Variants in PTER observed in about 807,000 individuals in gnomAD.
PTER encodes the protein N-acetyltaurine hydrolase.
PTER carries 38 observed loss-of-function variants against 29.6 expected under a neutral mutation model. That is an observed-to-expected ratio of 1.28 (90% confidence interval 0.99 to 1.68). The LOEUF is 1.68. PTER is among the 40% of genes most tolerant of loss of function. The pLI, the probability that PTER is intolerant of heterozygous loss-of-function variation, is 0.00. For synonymous variants in PTER, 172 were observed against 154.5 expected, an observed-to-expected ratio of 1.11 and a Z score of -0.84; for missense variants, 482 against 427.8, an observed-to-expected ratio of 1.13 and a Z score of -1.12.
At chr10:16,457,321 T>A (rs1165800293) in intron 1 of PTER, among the ~76,000 whole-genome samples, 2 of 151,982 alleles carry the variant, frequency 1.3e-5, no homozygotes, top group Non-Finnish European at 2.9e-5. Flanking sequence ...CACGCCATTC[T>A]CCTGCCTCAG....
chr10:16,513,451 T>C lies in PTER; in HGVS notation c.*2195T>C. 1 of 151,910 alleles carries C rather than the reference T, an allele frequency of 6.6e-6. No homozygotes were observed. The highest frequency in any genetic ancestry group is 3.4e-3 in the Middle Eastern group (1 of 290). 9.4% of individuals were successfully genotyped at this position (151,910 alleles called of 1,614,324 possible). ...TACATAAATAAAACATTTCATCTAA[T>C]ATATATATGTGTGTGTGAGTATATG... On this transcript the variant is annotated 3_prime_UTR_variant, in exon 5 of 5. Transcript: ENST00000535784.
chr10:16,484,212 C>T (rs1262225614), intron 1 of PTER, 125 bp from the exon 2 acceptor site: 1 of 612,496 alleles, frequency 1.6e-6, no homozygotes, highest in Non-Finnish European at 2.8e-6. Context: ...GATCGTATCT[C>T]TAGTTTTATT....
chr10:16,491,423 C>A (rs1261943420), intron 3 of PTER, among the ~76,000 whole-genome samples: 1 of 152,166 alleles, frequency 6.6e-6, no homozygotes, highest in African/African-American at 2.4e-5. Context: ...CTGGGTCAGC[C>A]TCTCACAGAC....
chr10:16,452,300 TG>T (rs1350973143), intron 1 of PTER, among the ~76,000 whole-genome samples: 10 of 95,568 alleles, frequency 1.0e-4, no homozygotes, highest in Non-Finnish European at 7.8e-5. Context: ...TGACTTTTTT[TG>T]TTTTTTTTTT....
intron 1 of PTER, among the ~76,000 whole-genome samples, chr10:16,476,901 C>CTCTCTCTCTTT (rs1214090481): frequency 1.0e-5 from 1 of 100,368 alleles, no homozygotes; most frequent in African/African-American, 4.5e-5. Flanking sequence ...TCCTAGAATT[C>CTCTCTCTCTTT]TTTTTTTTTT....
intron 1 of PTER, among the ~76,000 whole-genome samples, chr10:16,451,291 G>A (rs142008086): frequency 3.3e-4 from 50 of 152,194 alleles, no homozygotes; most frequent in East Asian, 3.1e-3. Context: ...GCCACTCCCC[G>A]TCCACTGACT....
chr10:16,499,699 C>T (rs1414289066), intron 3 of PTER, among the ~76,000 whole-genome samples: 3 of 152,074 alleles, frequency 2.0e-5, no homozygotes, highest in African/African-American at 7.2e-5. Context: ...CCACCTCAGC[C>T]TCGCAAAGTG....
intron 3 of PTER, among the ~76,000 whole-genome samples, chr10:16,501,324 TAAC>T (rs1836329767): frequency 7.6e-6 from 1 of 131,526 alleles, no homozygotes; most frequent in Non-Finnish European, 1.6e-5. Flanking sequence ...AAAAAATGAA[TAAC>T]TACACACACA....
At chr10:16,440,977 G>C (rs1484001503) in intron 1 of PTER, among the ~76,000 whole-genome samples, 1 of 152,210 alleles carries the variant, frequency 6.6e-6, no homozygotes, top group East Asian at 1.9e-4. Flanking sequence ...AAAGAGGCTT[G>C]TCCTATGAAT....
chr10:16,473,519 GAAAAAAAAAAAAAAAAA>G (rs72001271), intron 1 of PTER, among the ~76,000 whole-genome samples: 45 of 28,168 alleles, frequency 1.6e-3, no homozygotes, highest in Admixed American at 0.01. Flanking sequence ...GACTCCATCC[GAAAAAAAAAAAAAAAAA>G]AAAAAAAAAA....
rs1343021958 is a variant in PTER, at chr10:16,441,532, C to T, written c.-49+4485C>T. 2.0e-5 allele frequency among the ~76,000 whole-genome samples: 3 copies of T among 152,136 alleles called. 1 individual carries two copies. The highest frequency in any genetic ancestry group is 2.0e-4 in the Admixed American group (3 of 15,274). The stretch of plus-strand genomic sequence containing the variant: ...TATTCTGAGTTAAACAGAAGGCAAG[C>T]CGGGAGCATTGTGCTTTGGACAGAG... On this transcript the variant is annotated intron_variant, in intron 1 of 4. Transcript: ENST00000535784.
intron 3 of PTER, among the ~76,000 whole-genome samples, chr10:16,500,227 AC>A (rs1836281478): frequency 8.5e-6 from 1 of 117,380 alleles, no homozygotes; most frequent in Non-Finnish European, 1.7e-5. Flanking sequence ...CATAGGGATT[AC>A]TTTTTTTTTT....
intron 1 of PTER, among the ~76,000 whole-genome samples, chr10:16,479,322 G>T (rs1007487022): frequency 1.3e-5 from 2 of 152,006 alleles, no homozygotes; most frequent in Non-Finnish European, 2.9e-5. Flanking sequence ...CATGCAGTAG[G>T]GCCATTACAC....
At chr10:16,500,177 G>C (rs1401226427) in intron 3 of PTER, among the ~76,000 whole-genome samples, 1 of 151,764 alleles carries the variant, frequency 6.6e-6, no homozygotes, top group East Asian at 1.9e-4. Context: ...CTTCCCCAAA[G>C]TCACTCCGCT....
chr10:16,461,085 T>C (rs1320466736), intron 1 of PTER, among the ~76,000 whole-genome samples: 2 of 152,108 alleles, frequency 1.3e-5, no homozygotes, highest in African/African-American at 4.8e-5. Context: ...TGAAAGGAGA[T>C]TTTTCACTTG....
chr10:16,499,141 A>T (rs1836233052), intron 3 of PTER, among the ~76,000 whole-genome samples: 1 of 152,202 alleles, frequency 6.6e-6, no homozygotes, highest in African/African-American at 2.4e-5. Flanking sequence ...TAAAGTCCTC[A>T]TCTGTAAGAT....
At chr10:16,501,857 T>A (rs1210879041) in intron 3 of PTER, among the ~76,000 whole-genome samples, 1 of 152,204 alleles carries the variant, frequency 6.6e-6, no homozygotes, top group Non-Finnish European at 1.5e-5. Flanking sequence ...TTCTCAGTCT[T>A]CAGAATTGAG....
intron 1 of PTER, among the ~76,000 whole-genome samples, chr10:16,454,852 A>G (rs1313077108): frequency 6.6e-6 from 1 of 152,072 alleles, no homozygotes; most frequent in East Asian, 1.9e-4. Context: ...ATAGTAATGA[A>G]ATAATAAAAG....
intron 1 of PTER, among the ~76,000 whole-genome samples, chr10:16,469,030 T>C (rs1564393852): frequency 1.3e-5 from 2 of 151,668 alleles, no homozygotes; most frequent in Non-Finnish European, 2.9e-5. Context: ...TAAGGTGAAA[T>C]TGAGGTGCTA....
Sources: gnomAD v4.1 joint callset for allele counts (sites outside exome capture counted in the v4.1 genomes callset) on GRCh38, gnomAD v4.1.1 for gene constraint, MANE v1.5 for transcripts, NCBI Gene and HGNC (gene_info 2026-07-23, HGNC 2026-07-21) for gene names.